Variants in CTNND2 observed in about 807,000 individuals in gnomAD.
CTNND2 encodes the protein catenin delta-2.
In CTNND2, 22 loss-of-function variants were observed where a neutral mutation model predicts 144.4. That is an observed-to-expected ratio of 0.15 (90% confidence interval 0.11 to 0.22). CTNND2 has a LOEUF of 0.22. CTNND2 is among the 10% of genes least tolerant of loss of function. The probability of loss-of-function intolerance (pLI) is 1.00; values close to 1 mark genes in which losing one functional copy is unlikely to be tolerated. For synonymous variants in CTNND2, 751 were observed against 695.6 expected, an observed-to-expected ratio of 1.08 and a Z score of -1.25; for missense variants, 1,353 against 1,618.8, an observed-to-expected ratio of 0.84 and a Z score of 2.82.
At chr5:11,374,941 C>CAGATGCACA (rs1757795464) in intron 7 of CTNND2, among the ~76,000 whole-genome samples, 1 of 151,990 alleles carries the variant, frequency 6.6e-6, no homozygotes, top group Non-Finnish European at 1.5e-5. Context: ...TTCTGCCCAT[C>CAGATGCACA]AAAGGGGTAC....
intron 3 of CTNND2, among the ~76,000 whole-genome samples, chr5:11,558,294 CATT>C: frequency 6.6e-6 from 1 of 151,836 alleles, no homozygotes; most frequent in African/African-American, 2.4e-5. Flanking sequence ...GGGAAAGAGA[CATT>C]TACCTAAATG....
chr5:11,579,091 C>T (rs745712451), intron 2 of CTNND2, among the ~76,000 whole-genome samples: 1 of 151,518 alleles, frequency 6.6e-6, no homozygotes, highest in Non-Finnish European at 1.5e-5. Flanking sequence ...CTCAGATCAA[C>T]TTCAAAAGAC....
intron 11 of CTNND2, among the ~76,000 whole-genome samples, chr5:11,191,164 A>T (rs914822257): frequency 6.6e-6 from 1 of 152,198 alleles, no homozygotes; most frequent in Non-Finnish European, 1.5e-5. Flanking sequence ...CTGGGCTTGA[A>T]GGCGCAGCAG....
At chr5:11,799,496 T>A (rs903989389) in intron 1 of CTNND2, among the ~76,000 whole-genome samples, 4 of 152,218 alleles carry the variant, frequency 2.6e-5, no homozygotes, top group African/African-American at 9.6e-5. Context: ...CCTTCTCCAA[T>A]GGCTTTTTAT....
In CTNND2 at chr5:11,120,663, T is replaced by TCA. The variant is rs1193908105; in HGVS notation, c.2160-3097_2160-3096insTG. 2.9e-3 allele frequency among the ~76,000 whole-genome samples: 397 copies of TCA among 137,806 alleles called. 34 individuals carry two copies. The highest frequency in any genetic ancestry group is 0.01 in the Middle Eastern group (3 of 286). 90.4% of individuals were successfully genotyped at this position (137,806 alleles called of 152,430 possible). ...ACATATAGACTTCAAGAGGGGGTTATTATACTGTCTGCAGGCAACATGAGG... is the reference window on the plus strand; with the variant it reads ...ACATATAGACTTCAAGAGGGGGTTATCATATACTGTCTGCAGGCAACATGAGG... On this transcript the variant is annotated intron_variant, in intron 12 of 21. Coordinates refer to ENST00000304623, the MANE Select transcript of CTNND2 (RefSeq NM_001332.4).
intron 1 of CTNND2, among the ~76,000 whole-genome samples, chr5:11,787,309 T>C (rs899148780): frequency 2.0e-5 from 3 of 152,216 alleles, no homozygotes; most frequent in African/African-American, 4.8e-5. Flanking sequence ...TCTCCAATTA[T>C]GTTAACAACT....
chr5:11,696,730 G>A (rs1024705438), intron 2 of CTNND2, among the ~76,000 whole-genome samples: 4 of 152,162 alleles, frequency 2.6e-5, no homozygotes, highest in African/African-American at 9.7e-5. Context: ...TCCTAAGGGA[G>A]GTCAGGGACA....
chr5:11,713,942 C>A (rs5010209), intron 2 of CTNND2, among the ~76,000 whole-genome samples: 68,647 of 151,888 alleles, frequency 0.45, 17,930 homozygotes, highest in African/African-American at 0.73. Flanking sequence ...AGCAGGGGGG[C>A]GGGACTCTGA....
intron 7 of CTNND2, among the ~76,000 whole-genome samples, chr5:11,377,308 G>C (rs575390356): frequency 6.6e-6 from 1 of 152,118 alleles, no homozygotes; most frequent in East Asian, 1.9e-4. Flanking sequence ...GCCTACCTCA[G>C]CTTCCCAAAG....
At chr5:11,112,603 G>GA (rs150579037) in intron 13 of CTNND2, among the ~76,000 whole-genome samples, 4,387 of 152,298 alleles carry the variant, frequency 0.029, 148 homozygotes, top group South Asian at 0.15. Context: ...ACAGCAACAG[G>GA]AAAGTAACAC....
chr5:11,703,994 G>A (rs4283789), intron 2 of CTNND2, among the ~76,000 whole-genome samples: 2,387 of 152,234 alleles, frequency 0.016, 67 homozygotes, highest in African/African-American at 0.054. Flanking sequence ...AACAATACGT[G>A]TACTGGAATC....
chr5:11,070,023 G>T (rs2907098), intron 16 of CTNND2, among the ~76,000 whole-genome samples: 31,268 of 152,120 alleles, frequency 0.21, 3,592 homozygotes, highest in Middle Eastern at 0.29. Flanking sequence ...ACCAACTTCA[G>T]TCTATTCAAA....
chr5:11,524,540 AAC>A (rs1408367337), intron 3 of CTNND2, among the ~76,000 whole-genome samples: 1 of 152,118 alleles, frequency 6.6e-6, no homozygotes, highest in Non-Finnish European at 1.5e-5. Flanking sequence ...ACCCTGCATT[AAC>A]ACAGTTTCTT....
intron 1 of CTNND2, among the ~76,000 whole-genome samples, chr5:11,786,452 AC>A (rs1162123426): frequency 1.3e-5 from 2 of 152,196 alleles, no homozygotes. Flanking sequence ...TAGGTATCTA[AC>A]CCAGAAAACT....
At chr5:11,191,262 T>G (rs947890361) in intron 11 of CTNND2, among the ~76,000 whole-genome samples, 1 of 152,082 alleles carries the variant, frequency 6.6e-6, no homozygotes, top group African/African-American at 2.4e-5. Context: ...GCAAATCAAT[T>G]CCATCATAAA....
At chr5:11,029,574 C>G (rs1743228299) in intron 16 of CTNND2, among the ~76,000 whole-genome samples, 1 of 152,216 alleles carries the variant, frequency 6.6e-6, no homozygotes, top group South Asian at 2.1e-4. Flanking sequence ...CCATCTCACA[C>G]TTTTCAGTTA....
At chr5:11,527,486 A>C (rs1773360717) in intron 3 of CTNND2, among the ~76,000 whole-genome samples, 1 of 150,634 alleles carries the variant, frequency 6.6e-6, no homozygotes. Flanking sequence ...CCACCCATCC[A>C]CCTCTAGGCA....
chr5:11,429,014 C>T (rs929520739), intron 3 of CTNND2, among the ~76,000 whole-genome samples: 5 of 152,114 alleles, frequency 3.3e-5, no homozygotes, highest in Non-Finnish European at 7.3e-5. Flanking sequence ...TACATATGGC[C>T]TTCCCCACCC....
Position 11,384,963 on chromosome 5 carries a change from G to A in CTNND2, c.879C>T (p.Ala293=), listed in dbSNP as rs1403867447. The A allele has an allele frequency of 1.3e-6, 2 of 1,554,692 alleles. No homozygotes were observed. The highest frequency in any genetic ancestry group is 2.4e-5 in the East Asian group (1 of 41,876). Residue 293 remains alanine (A), a synonymous_variant, in exon 7 of 22, where the codon GCC becomes GCT. Transcript: ENST00000304623. The surrounding 1 kb of genome is among the most constrained non-coding windows in gnomAD (Gnocchi z 5.2). The part of the protein sequence containing the change: ...GGSAPEGATY[A]APRGSSPKQS... The stretch of plus-strand genomic sequence containing the variant: ...GCTTGGGCGAGGAGCCGCGCGGCGC[G>A]GCGTAGGTGGCGCCCTCGGGGGCCG...
Sources: gnomAD v4.1 joint callset for allele counts (sites outside exome capture counted in the v4.1 genomes callset) on GRCh38, gnomAD v4.1.1 for gene constraint, Gnocchi (gnomAD v3.1) non-coding constraint, MANE v1.5 for transcripts, NCBI Gene and HGNC (gene_info 2026-07-23, HGNC 2026-07-21) for gene names.